YEATS2: variants seen among roughly 807,000 people sequenced by gnomAD.
YEATS2 encodes the protein YEATS domain containing 2, also known as YEATS domain-containing protein 2.
A neutral mutation model predicts 163.2 loss-of-function variants in YEATS2; 77 were observed. The observed-to-expected ratio is 0.47, with a 90% CI of 0.39 to 0.57. The LOEUF (loss-of-function observed/expected upper bound fraction) is 0.57, where lower values mean the gene tolerates loss of function less well. Among genes scored for constraint, YEATS2 ranks in the 20% least tolerant of loss-of-function variants. The probability of loss-of-function intolerance (pLI) is 0.00; values close to 1 mark genes in which losing one functional copy is unlikely to be tolerated. For missense variants in YEATS2, 1,549 were observed against 1,729.8 expected (o/e 0.90, Z 1.85); for synonymous variants, 631 against 645.1 (o/e 0.98, Z 0.33).
At chr3:183,703,190 T>TCAGCTTCTCGCC (rs1714288578) in intron 1 of YEATS2, among the ~76,000 whole-genome samples, 1 of 152,220 alleles carries the variant, frequency 6.6e-6, no homozygotes, top group African/African-American at 2.4e-5. Flanking sequence ...ACCAGATCGC[T>TCAGCTTCTCGCC]CAGCTTCTCG....
Position 183,810,334 on chromosome 3 carries a change from G to T in YEATS2, c.4161-141G>T, listed in dbSNP as rs542948889. The T allele has an allele frequency of 8.7e-5, 60 of 685,858 alleles. No homozygotes were observed. In the African/African-American group the frequency reaches 1.0e-3, roughly 12 times the overall value. 42.5% of individuals were successfully genotyped at this position (685,858 alleles called of 1,614,324 possible). On this transcript the variant is annotated intron_variant, in intron 30 of 30. Transcript: ENST00000305135. ...GGAAGGCAGTCCTCACCCCAGAGTG[G>T]CCCTAAGCTATGTCTGTGGCTCAGG...
intron 1 of YEATS2, among the ~76,000 whole-genome samples, chr3:183,710,219 A>G (rs1305330416): frequency 6.6e-6 from 1 of 152,188 alleles, no homozygotes; most frequent in Non-Finnish European, 1.5e-5. Context: ...TCCAAGTTGA[A>G]TTGACCATAT....
At chr3:183,724,333 C>T (rs2109075575) in intron 5 of YEATS2, 86 bp from the exon 6 acceptor site, 5 of 982,918 alleles carry the variant, frequency 5.1e-6, no homozygotes, top group East Asian at 2.8e-5. Context: ...TTAGTTATTC[C>T]ATTTATACTT....
rs555415510 is a variant in YEATS2 at position 183,721,524 on chromosome 3, A to G, written c.292-367A>G. Among the ~76,000 whole-genome samples the G allele has an allele frequency of 2.6e-4, 39 of 152,224 alleles. No homozygotes were observed. The South Asian group carries it at 3.3e-3, about 13-fold the overall frequency. On this transcript the variant is annotated intron_variant, in intron 4 of 30. Coordinates refer to ENST00000305135, the MANE Select transcript of YEATS2 (RefSeq NM_018023.5). ...TTTATATATACAGCTTTTTATTTGT[A>G]TTTTTATATTTCTTTCAGGGATATT...
chr3:183,738,391 CTTTTTTT>C lies in YEATS2; in HGVS notation c.924+1581_924+1587del, dbSNP rs1173865612. On this transcript the variant is annotated intron_variant, in intron 8 of 30. Transcript: ENST00000305135. ...AAGTTGTAAATGCAAAGGAAAAGTT[CTTTTTTT>C]TTTTTTTTTTTTTTTTTTAATACTT... Among the ~76,000 whole-genome samples, 155 of 74,040 alleles carry C rather than the reference CTTTTTTT, an allele frequency of 2.1e-3. 1 individual carries two copies. Among genetic ancestry groups the C allele is most frequent in the Middle Eastern group, 9.8e-3 (1 of 102 alleles). 48.6% of individuals were successfully genotyped at this position (74,040 alleles called of 152,430 possible).
At chr3:183,791,838 C>G (rs1054614411) in intron 21 of YEATS2, among the ~76,000 whole-genome samples, 2 of 152,106 alleles carry the variant, frequency 1.3e-5, no homozygotes, top group African/African-American at 4.8e-5. Flanking sequence ...AAAAGTGTAC[C>G]TTTTGTTTCT....
In YEATS2 at chr3:183,735,782, G is replaced by A. The variant is rs369833965; in HGVS notation, c.813-936G>A. Among the ~76,000 whole-genome samples the A allele has an allele frequency of 2.4e-4, 37 of 152,120 alleles. No individual in the cohort carries two copies. The South Asian group carries it at 7.5e-3, about 31-fold the overall frequency. On this transcript the variant is annotated intron_variant, in intron 7 of 30. Transcript: ENST00000305135. ...GCTCACTGCTGCCTCCGCCCCCCGG[G>A]TTCAAGCGATTGTCGTGGCCTCTCA...
chr3:183,807,087 C>T lies in YEATS2; in HGVS notation c.4006C>T (p.Gln1336Ter). The T allele has an allele frequency of 6.2e-7, 1 of 1,612,626 alleles. No homozygotes were observed. Among genetic ancestry groups the T allele is most frequent in the Non-Finnish European group, 8.5e-7 (1 of 1,179,434 alleles). The change falls in exon 28 of 31, where the codon CAG (glutamine) becomes TAG (stop). Residue 1336 changes from glutamine to a stop codon, truncating the protein, a stop_gained. Transcript: ENST00000305135. LOFTEE classifies it high-confidence loss of function. ...PGSEFIGDVT[Q>*]KIGITLQPVA... is the part of the protein sequence containing the mutation. ...GTCTGAATTTATTGGGGATGTCACACAGAAGGTAGGGGTTGTGGTGTTAAT... is the reference window on the plus strand; with the variant it reads ...GTCTGAATTTATTGGGGATGTCACATAGAAGGTAGGGGTTGTGGTGTTAAT...
At chr3:183,714,259 G>C (rs1480328962) in intron 1 of YEATS2, among the ~76,000 whole-genome samples, 6 of 149,340 alleles carry the variant, frequency 4.0e-5, no homozygotes, top group Non-Finnish European at 7.4e-5. Flanking sequence ...GCAGTGGCGC[G>C]ATCTCAGCTC....
At chr3:183,799,549 T>G (rs1463155673) in intron 23 of YEATS2, among the ~76,000 whole-genome samples, 1 of 152,050 alleles carries the variant, frequency 6.6e-6, no homozygotes, top group Admixed American at 6.6e-5. Context: ...AAAGGAGGTT[T>G]AGGTAGGGGC....
chr3:183,734,488 G>A (rs73887510), intron 7 of YEATS2, among the ~76,000 whole-genome samples: 1,804 of 152,286 alleles, frequency 0.012, 39 homozygotes, highest in African/African-American at 0.041. Context: ...ACAGTGAAAC[G>A]TAGGAATGCA....
chr3:183,805,854 CCT>C (rs1726142571), intron 27 of YEATS2, among the ~76,000 whole-genome samples: 1 of 151,972 alleles, frequency 6.6e-6, no homozygotes, highest in African/African-American at 2.4e-5. Context: ...TGCAGGATGG[CCT>C]CTCCTTTCTC....
intron 19 of YEATS2, among the ~76,000 whole-genome samples, chr3:183,778,998 G>T (rs1043196003): frequency 2.0e-5 from 3 of 151,576 alleles, no homozygotes; most frequent in Non-Finnish European, 4.4e-5. Context: ...TGTTGCCCAG[G>T]CTCCTGGGTT....
chr3:183,721,812 G>T, intron 4 of YEATS2, 79 bp from the exon 5 acceptor site: 1 of 1,544,152 alleles, frequency 6.5e-7, no homozygotes, highest in Non-Finnish European at 8.8e-7. Flanking sequence ...TAATAGATAA[G>T]GTTTTGGAGA....
rs1560349646 is a variant in YEATS2, at chr3:183,812,247, ATCAAT to A, written c.*1668_*1672del. 6.6e-6 allele frequency: 1 copy of A among 152,234 alleles called. No individual in the cohort carries two copies. Among genetic ancestry groups the A allele is most frequent in the Non-Finnish European group, 1.5e-5 (1 of 68,062 alleles). The allele number at this position is 152,234 out of a possible 1,614,324, so 9.4% of individuals were successfully genotyped here. ...GAGACCCCGTCTCAAAAATTGATTG[ATCAAT>A]TCAGCATCTGAGGGCTGCAAGTACA... On this transcript the variant is annotated 3_prime_UTR_variant, in exon 31 of 31. Coordinates refer to ENST00000305135, the MANE Select transcript of YEATS2 (RefSeq NM_018023.5).
At chr3:183,773,857 C>T in intron 17 of YEATS2, 63 bp downstream of exon 17, 2 of 1,509,676 alleles carry the variant, frequency 1.3e-6, no homozygotes, top group Non-Finnish European at 1.8e-6. Context: ...TCATCTTGTC[C>T]ATCTGAGGGC....
chr3:183,734,373 G>A (rs262981), intron 7 of YEATS2, among the ~76,000 whole-genome samples: 61,603 of 151,998 alleles, frequency 0.41, 13,136 homozygotes, highest in East Asian at 0.65. Context: ...CAAGTTAGTT[G>A]TTCAGCCTCA....
At position 183,786,308 on chromosome 3, in the gene YEATS2, A is replaced by G. The variant is rs749503840; in HGVS notation, c.2913+7A>G. 4 of 1,604,088 alleles carry G rather than the reference A, an allele frequency of 2.5e-6. No homozygotes were observed. The highest frequency in any genetic ancestry group is 3.4e-6 in the Non-Finnish European group (4 of 1,172,380). ...AAACGGTCCTGCACAACAGGTGAGA[A>G]ATAGCATGTCAGTAGAGAATCCTAA... On this transcript the variant is annotated splice_region_variant and intron_variant, in intron 20 of 30. Coordinates refer to ENST00000305135, the MANE Select transcript of YEATS2 (RefSeq NM_018023.5).
At position 183,756,651 on chromosome 3, in the gene YEATS2, A is replaced by G; in HGVS notation, c.1514A>G (p.Gln505Arg). 6.3e-7 allele frequency: 1 copy of G among 1,594,738 alleles called. No individual in the cohort carries two copies. Among genetic ancestry groups the G allele is most frequent in the African/African-American group, 1.3e-5 (1 of 74,492 alleles). The change falls in exon 12 of 31, where the codon CAG becomes CGG. Residue 505 changes from glutamine (Q) to arginine (R), a missense_variant. Gln to Arg is a conservative substitution (Grantham distance 43). Transcript: ENST00000305135. Reference protein sequence around the residue: ...INNPYVIMDKQPGQVIGATTP... With the variant: ...INNPYVIMDKRPGQVIGATTP... ...AATCCTTATGTTATCATGGACAAGC[A>G]GCCGGGGCAGGTGATTGGAGCCACC...
Sources: gnomAD v4.1 joint callset for allele counts (sites outside exome capture counted in the v4.1 genomes callset) on GRCh38, gnomAD v4.1.1 for gene constraint, MANE v1.5 for transcripts, NCBI Gene and HGNC (gene_info 2026-07-23, HGNC 2026-07-21) for gene names.